The following MEGF10 variants were observed in gnomAD, a reference collection of about 807,000 sequenced individuals.
MEGF10 encodes the protein multiple EGF like domains 10.
MEGF10 carries 86 observed loss-of-function variants against 147.5 expected under a neutral mutation model. That is an observed-to-expected ratio of 0.58 (90% confidence interval 0.49 to 0.70). MEGF10 has a LOEUF of 0.70. Among genes scored for constraint, MEGF10 ranks in the 30% least tolerant of loss-of-function variants. The pLI is 0.00. For missense variants in MEGF10, 1,329 were observed against 1,487.3 expected, an observed-to-expected ratio of 0.89 and a Z score of 1.75; for synonymous variants, 478 against 525.5, an observed-to-expected ratio of 0.91 and a Z score of 1.24.
chr5:127,392,326 C>G (rs762495770), intron 5 of MEGF10, among the ~76,000 whole-genome samples: 29 of 152,304 alleles, frequency 1.9e-4, no homozygotes, highest in Admixed American at 1.6e-3. Context: ...CCCTGCACCC[C>G]TCACACCCAG....
At chr5:127,406,597 G>A (rs887550071) in intron 8 of MEGF10, among the ~76,000 whole-genome samples, 12 of 152,208 alleles carry the variant, frequency 7.9e-5, no homozygotes, top group African/African-American at 2.7e-4. Flanking sequence ...AGGGCAGAGG[G>A]CTGCTGGCCC....
At chr5:127,365,356 G>C (rs1239454561) in intron 4 of MEGF10, among the ~76,000 whole-genome samples, 1 of 152,102 alleles carries the variant, frequency 6.6e-6, no homozygotes, top group Non-Finnish European at 1.5e-5. Context: ...AAATCCAAAG[G>C]GAATTGTATG....
chr5:127,385,619 A>G (rs901713762), intron 5 of MEGF10, among the ~76,000 whole-genome samples: 1 of 152,164 alleles, frequency 6.6e-6, no homozygotes, highest in African/African-American at 2.4e-5. Context: ...TATTGCAAAC[A>G]GTAACACCAG....
chr5:127,304,369 C>A (rs1193332099), intron 1 of MEGF10, among the ~76,000 whole-genome samples: 2 of 152,238 alleles, frequency 1.3e-5, no homozygotes, highest in African/African-American at 4.8e-5. Context: ...AATTTAATTT[C>A]TTTGTGTTAC....
chr5:127,315,787 A>G (rs1029532020), intron 1 of MEGF10, among the ~76,000 whole-genome samples: 4 of 152,152 alleles, frequency 2.6e-5, no homozygotes, highest in African/African-American at 7.2e-5. Flanking sequence ...AAAACAAACC[A>G]AAACAAAATA....
At chr5:127,403,853 C>T (rs972959874) in intron 8 of MEGF10, among the ~76,000 whole-genome samples, 1 of 152,128 alleles carries the variant, frequency 6.6e-6, no homozygotes, top group Non-Finnish European at 1.5e-5. Flanking sequence ...TTGATAGACA[C>T]GTAGGTTGCT....
chr5:127,351,232 A>G (rs1003695437), intron 4 of MEGF10, among the ~76,000 whole-genome samples: 2 of 152,162 alleles, frequency 1.3e-5, no homozygotes, highest in Non-Finnish European at 2.9e-5. Context: ...AAAAAACTGG[A>G]AAACAGATGA....
intron 4 of MEGF10, among the ~76,000 whole-genome samples, chr5:127,362,558 G>T (rs1762515524): frequency 6.6e-6 from 1 of 151,552 alleles, no homozygotes; most frequent in African/African-American, 2.4e-5. Context: ...TAGAGATGAG[G>T]TTTCACCGTG....
chr5:127,302,812 G>A (rs551989013), intron 1 of MEGF10, among the ~76,000 whole-genome samples: 3 of 152,148 alleles, frequency 2.0e-5, no homozygotes, highest in Non-Finnish European at 4.4e-5. Flanking sequence ...GGAGGAAGCA[G>A]GTAATCTGTT....
At chr5:127,250,751 G>C in the MEGF10 span, among the ~76,000 whole-genome samples, 1 of 151,978 alleles carries the variant, frequency 6.6e-6, no homozygotes, top group East Asian at 1.9e-4. Context: ...GGAAACTAAA[G>C]ATTGCCATGC....
Position 127,379,502 on chromosome 5 carries a change from T to C in MEGF10, c.412+9500T>C, listed in dbSNP as rs191207415. On this transcript the variant is annotated intron_variant, in intron 5 of 24. Transcript: ENST00000503335. ...CTGCTCAGTCTCTGCCCTTCATTTATGGAACACACTCGTCTTATTTTTGCC... is the reference window on the plus strand; with the variant it reads ...CTGCTCAGTCTCTGCCCTTCATTTACGGAACACACTCGTCTTATTTTTGCC... Among the ~76,000 whole-genome samples, 80 of 152,284 alleles carry C rather than the reference T, an allele frequency of 5.3e-4. 1 individual carries two copies. Among genetic ancestry groups the C allele is most frequent in the Non-Finnish European group, 4.3e-4 (29 of 68,020 alleles).
intron 5 of MEGF10, among the ~76,000 whole-genome samples, chr5:127,376,208 G>T (rs2126874601): frequency 6.6e-6 from 1 of 152,310 alleles, no homozygotes; most frequent in East Asian, 1.9e-4. Context: ...AGGAAGCAAA[G>T]AAATAGAGAG....
At chr5:127,247,270 A>G in the MEGF10 span, among the ~76,000 whole-genome samples, 1 of 129,844 alleles carries the variant, frequency 7.7e-6, no homozygotes, top group Admixed American at 8.8e-5. Context: ...AAGACAGCAA[A>G]GTGTGTGTGT....
At chr5:127,416,096 T>C (rs1764762412) in intron 9 of MEGF10, among the ~76,000 whole-genome samples, 1 of 151,738 alleles carries the variant, frequency 6.6e-6, no homozygotes, top group Non-Finnish European at 1.5e-5. Context: ...GGCGTGATCT[T>C]GGCTCACTGC....
chr5:127,354,885 AG>A (rs937333002), intron 4 of MEGF10, among the ~76,000 whole-genome samples: 2 of 152,206 alleles, frequency 1.3e-5, no homozygotes, highest in Non-Finnish European at 2.9e-5. Flanking sequence ...TGTCAGCCAC[AG>A]GGGGGTCTGA....
At chr5:127,305,824 T>TA (rs896952948) in intron 1 of MEGF10, among the ~76,000 whole-genome samples, 8 of 152,230 alleles carry the variant, frequency 5.3e-5, no homozygotes, top group Non-Finnish European at 1.2e-4. Flanking sequence ...TCCTATAAGC[T>TA]AACCATCTAG....
Position 127,447,614 on chromosome 5 carries a change from G to A in MEGF10, c.2786G>A (p.Ser929Asn). ...AATAGCCACTACTTCACCAATCCCAGTTACCACACGCTCACCCAGTGTGCC... is the reference window on the plus strand; with the variant it reads ...AATAGCCACTACTTCACCAATCCCAATTACCACACGCTCACCCAGTGTGCC... ...NANSHYFTNP[S>N]YHTLTQCATS... Residue 929 changes from serine (S) to asparagine (N), a missense_variant, in exon 21 of 25, where the codon AGT (serine) becomes AAT (asparagine). Ser to Asn is a conservative substitution (Grantham distance 46). Coordinates refer to ENST00000503335, the MANE Select transcript of MEGF10 (RefSeq NM_001256545.2). 2 of 1,614,062 alleles carry A rather than the reference G, an allele frequency of 1.2e-6. No individual in the cohort carries two copies. Among genetic ancestry groups the A allele is most frequent in the Non-Finnish European group, 1.7e-6 (2 of 1,179,998 alleles).
At chr5:127,427,540 G>A (rs1165319553) in intron 13 of MEGF10, among the ~76,000 whole-genome samples, 1 of 151,888 alleles carries the variant, frequency 6.6e-6, no homozygotes, top group Non-Finnish European at 1.5e-5. Flanking sequence ...AGGATCACCT[G>A]TGGGCAAGTT....
intron 18 of MEGF10, among the ~76,000 whole-genome samples, chr5:127,441,073 G>T (rs975678006): frequency 5.0e-4 from 76 of 152,330 alleles, no homozygotes; most frequent in African/African-American, 1.8e-3. Flanking sequence ...CTGGGCGGAG[G>T]AGGTGTGACT....
Sources: gnomAD v4.1 joint callset for allele counts (sites outside exome capture counted in the v4.1 genomes callset) on GRCh38, gnomAD v4.1.1 for gene constraint, MANE v1.5 for transcripts, NCBI Gene and HGNC (gene_info 2026-07-23, HGNC 2026-07-21) for gene names.